Variants in LINGO2 observed in about 807,000 individuals in gnomAD.
LINGO2 encodes the protein leucine rich repeat and Ig domain containing 2.
In LINGO2, 14 loss-of-function variants were observed where a neutral mutation model predicts 30.6. That is an observed-to-expected ratio of 0.46 (90% confidence interval 0.30 to 0.72). The LOEUF (loss-of-function observed/expected upper bound fraction) is 0.72. Among genes scored for constraint, LINGO2 ranks in the 30% least tolerant of loss-of-function variants. LINGO2 has a pLI of 0.07. For missense variants in LINGO2, 729 were observed against 751.7 expected, an observed-to-expected ratio of 0.97 and a Z score of 0.35; for synonymous variants, 317 against 288.5, an observed-to-expected ratio of 1.10 and a Z score of -1.00.
the LINGO2 span, among the ~76,000 whole-genome samples, chr9:28,909,880 T>A: frequency 6.6e-6 from 1 of 152,018 alleles, no homozygotes; most frequent in African/African-American, 2.4e-5. Flanking sequence ...TTCTGAGAGC[T>A]TGCTGAGTGA....
intron 4 of LINGO2, among the ~76,000 whole-genome samples, chr9:28,291,776 T>C (rs7024229): frequency 0.073 from 11,090 of 152,182 alleles, 726 homozygotes; most frequent in East Asian, 0.38. Context: ...TGGCAGAATA[T>C]TTACTTGAGG....
the LINGO2 span, among the ~76,000 whole-genome samples, chr9:28,951,797 CCT>C: frequency 6.6e-6 from 1 of 152,110 alleles, no homozygotes; most frequent in African/African-American, 2.4e-5. Flanking sequence ...ACTTCAGGGG[CCT>C]CTTTTTCCTC....
At chr9:29,104,275 G>A in the LINGO2 span, among the ~76,000 whole-genome samples, 2 of 152,046 alleles carry the variant, frequency 1.3e-5, no homozygotes, top group African/African-American at 4.8e-5. Context: ...ATTGGATCAT[G>A]GTGTGCATTT....
chr9:29,032,686 C>G, the LINGO2 span, among the ~76,000 whole-genome samples: 1 of 152,038 alleles, frequency 6.6e-6, no homozygotes, highest in South Asian at 2.1e-4. Context: ...GATGCCAAAG[C>G]CTGTAGACCA....
chr9:28,829,000 C>T, the LINGO2 span, among the ~76,000 whole-genome samples: 12 of 152,118 alleles, frequency 7.9e-5, no homozygotes, highest in Non-Finnish European at 1.5e-4. Context: ...TCCTGTTTTC[C>T]TTGCTCGAAT....
the LINGO2 span, among the ~76,000 whole-genome samples, chr9:29,107,105 T>C: frequency 1.3e-5 from 2 of 152,180 alleles, no homozygotes; most frequent in Admixed American, 1.3e-4. Flanking sequence ...TTGCTTTATA[T>C]AAGTATGTAA....
At chr9:28,930,323 TG>T in the LINGO2 span, among the ~76,000 whole-genome samples, 1 of 152,220 alleles carries the variant, frequency 6.6e-6, no homozygotes, top group Non-Finnish European at 1.5e-5. The surrounding 1 kb of genome is among the most constrained non-coding windows in gnomAD (Gnocchi z 4.2). Context: ...GGTCCTCCTC[TG>T]TGCTCCCATT....
chr9:28,367,283 ATCTTC>A (rs931009123), intron 3 of LINGO2, among the ~76,000 whole-genome samples: 2 of 152,130 alleles, frequency 1.3e-5, no homozygotes, highest in Non-Finnish European at 2.9e-5. Context: ...AGAACTGAAC[ATCTTC>A]TCTTAATATG....
intron 1 of LINGO2, among the ~76,000 whole-genome samples, chr9:28,669,607 C>G (rs1312501586): frequency 6.6e-6 from 1 of 151,820 alleles, no homozygotes; most frequent in Admixed American, 6.6e-5. Flanking sequence ...TGGTCACTAG[C>G]AGAGAAGGCA....
At chr9:28,812,166 G>C in the LINGO2 span, among the ~76,000 whole-genome samples, 4 of 151,916 alleles carry the variant, frequency 2.6e-5, no homozygotes, top group Admixed American at 1.3e-4. Flanking sequence ...TGCTAGAAAA[G>C]TAAAATGGAA....
intron 2 of LINGO2, among the ~76,000 whole-genome samples, chr9:28,402,178 A>G (rs1236948789): frequency 3.3e-5 from 5 of 151,872 alleles, no homozygotes; most frequent in Admixed American, 3.3e-4. Context: ...CTATTTTGTC[A>G]TTTTATGAGT....
chr9:28,953,940 T>A, the LINGO2 span, among the ~76,000 whole-genome samples: 1 of 152,118 alleles, frequency 6.6e-6, no homozygotes, highest in Admixed American at 6.6e-5. Flanking sequence ...AAATATTGGT[T>A]CACTAAATTA....
chr9:28,602,668 G>A (rs1209600536), intron 1 of LINGO2, among the ~76,000 whole-genome samples: 1 of 151,954 alleles, frequency 6.6e-6, no homozygotes, highest in Non-Finnish European at 1.5e-5. Flanking sequence ...TTTATTCTAA[G>A]AAGCTATTCA....
At chr9:28,517,287 C>G (rs1820658544) in intron 1 of LINGO2, among the ~76,000 whole-genome samples, 1 of 152,168 alleles carries the variant, frequency 6.6e-6, no homozygotes, top group Non-Finnish European at 1.5e-5. Flanking sequence ...TAATATCACA[C>G]TAATTCAAAG....
downstream of LINGO2, among the ~76,000 whole-genome samples, chr9:27,944,788 T>TCCCAATGAATGCC (rs1823300842): frequency 6.6e-6 from 1 of 151,994 alleles, no homozygotes; most frequent in African/African-American, 2.4e-5. Context: ...GTCCCAAAGG[T>TCCCAATGAATGCC]TTTGTTACTA....
chr9:28,650,043 A>G (rs1260998891), intron 1 of LINGO2, among the ~76,000 whole-genome samples: 1 of 152,032 alleles, frequency 6.6e-6, no homozygotes, highest in Admixed American at 6.6e-5. Context: ...GGGGAAAAAA[A>G]AAAACAACAA....
intron 1 of LINGO2, among the ~76,000 whole-genome samples, chr9:28,633,530 C>A (rs1827101132): frequency 6.6e-6 from 1 of 152,122 alleles, no homozygotes; most frequent in African/African-American, 2.4e-5. Flanking sequence ...GGTAAAAGCT[C>A]TCAAATTGCA....
chr9:27,977,419 G>A (rs1820651857), intron 5 of LINGO2, among the ~76,000 whole-genome samples: 1 of 151,754 alleles, frequency 6.6e-6, no homozygotes, highest in Non-Finnish European at 1.5e-5. Context: ...GGCGGGTTGG[G>A]GGGAGCAGTC....
intron 1 of LINGO2, among the ~76,000 whole-genome samples, chr9:28,576,304 A>T (rs960338338): frequency 2.6e-5 from 4 of 152,220 alleles, no homozygotes; most frequent in Admixed American, 2.6e-4. Flanking sequence ...AAAGATCAAA[A>T]TTCAAAAATT....
Sources: allele counts gnomAD v4.1 joint callset (sites outside exome capture counted in the v4.1 genomes callset), GRCh38; gene constraint gnomAD v4.1.1; non-coding constraint Gnocchi (gnomAD v3.1); transcripts MANE v1.5; gene names NCBI Gene and HGNC (gene_info 2026-07-23, HGNC 2026-07-21).